The following MMS22L variants were observed in gnomAD, a reference collection of about 807,000 sequenced individuals.
The protein encoded by MMS22L is protein MMS22-like.
MMS22L carries 74 observed loss-of-function variants against 159.1 expected under a neutral mutation model. The ratio of observed to expected loss-of-function variants is 0.47; its 90% confidence interval spans 0.39 to 0.56. MMS22L has a LOEUF of 0.56. MMS22L is among the 20% of genes least tolerant of loss of function. The pLI is 0.00. For missense variants in MMS22L, 1,351 were observed against 1,422.1 expected, an observed-to-expected ratio of 0.95 and a Z score of 0.80; for synonymous variants, 517 against 506.9, an observed-to-expected ratio of 1.02 and a Z score of -0.27.
At chr6:97,152,839 C>CT (rs869235389) in intron 22 of MMS22L, among the ~76,000 whole-genome samples, 285 of 121,482 alleles carry the variant, frequency 2.3e-3, no homozygotes, top group African/African-American at 4.0e-3. Context: ...TGAGTATTTT[C>CT]TTTTTTTTTT....
chr6:97,268,395 A>G lies in MMS22L; in HGVS notation c.698-393T>C, dbSNP rs375878414. 3.5e-4 allele frequency among the ~76,000 whole-genome samples: 53 copies of G among 152,112 alleles called. No individual in the cohort carries two copies. The East Asian group carries it at 5.2e-3, about 15-fold the overall frequency. ...AGTAGAGACGGGGTTTCACCGTGTT[A>G]GCCAGGATGGTCTCAATCTCCTGAC... On this transcript the variant is annotated intron_variant, in intron 7 of 24. Coordinates refer to ENST00000683635, the MANE Select transcript of MMS22L (RefSeq NM_001350599.2).
At chr6:97,191,480 C>T (rs1390893893) in intron 14 of MMS22L, among the ~76,000 whole-genome samples, 4 of 149,994 alleles carry the variant, frequency 2.7e-5, no homozygotes, top group Non-Finnish European at 5.9e-5. Context: ...TATTGATGGA[C>T]TTTTCATCAC....
intron 10 of MMS22L, 133 bp downstream of exon 10, chr6:97,254,424 A>G (rs1813560467): frequency 4.7e-6 from 3 of 639,964 alleles, no homozygotes; most frequent in Non-Finnish European, 7.6e-6. Flanking sequence ...TTACAGAAAC[A>G]TTATACATAA....
intron 18 of MMS22L, among the ~76,000 whole-genome samples, chr6:97,178,234 ATG>A (rs1804320912): frequency 1.3e-5 from 2 of 152,124 alleles, no homozygotes; most frequent in African/African-American, 4.8e-5. Flanking sequence ...TTCTTCATTA[ATG>A]TAATTTTTCT....
At chr6:97,189,307 C>T (rs1805601176) in intron 14 of MMS22L, among the ~76,000 whole-genome samples, 1 of 149,926 alleles carries the variant, frequency 6.7e-6, no homozygotes, top group Non-Finnish European at 1.5e-5. Context: ...TACCTCTAAT[C>T]CCAGCATTTT....
At chr6:97,183,110 A>G (rs1804887219) in intron 15 of MMS22L, among the ~76,000 whole-genome samples, 1 of 152,058 alleles carries the variant, frequency 6.6e-6, no homozygotes. Flanking sequence ...CAGTAATTTC[A>G]ATTGTAAAGT....
chr6:97,199,620 T>C (rs753651972), intron 14 of MMS22L, among the ~76,000 whole-genome samples: 16 of 152,036 alleles, frequency 1.1e-4, no homozygotes, highest in Middle Eastern at 3.2e-3. Flanking sequence ...TGCAGTAAAT[T>C]ATACAACCAG....
intron 7 of MMS22L, 26 bp downstream of exon 7, chr6:97,269,876 T>C (rs1432225882): frequency 1.3e-6 from 2 of 1,534,032 alleles, no homozygotes; most frequent in Non-Finnish European, 1.8e-6. Flanking sequence ...TTAAAAAGAA[T>C]ATAAATCATA....
chr6:97,213,133 A>G (rs1341818413), intron 14 of MMS22L, among the ~76,000 whole-genome samples: 1 of 152,112 alleles, frequency 6.6e-6, no homozygotes, highest in Non-Finnish European at 1.5e-5. Context: ...GCAGCCAGGC[A>G]TGGTGGCTCA....
At chr6:97,225,569 G>C (rs896650677) in intron 14 of MMS22L, among the ~76,000 whole-genome samples, 7 of 150,056 alleles carry the variant, frequency 4.7e-5, no homozygotes, top group Non-Finnish European at 8.9e-5. Context: ...GGCTGGTCTC[G>C]AAGTTTTTTT....
chr6:97,201,468 T>G (rs1425683366), intron 14 of MMS22L, among the ~76,000 whole-genome samples: 2 of 152,202 alleles, frequency 1.3e-5, no homozygotes, highest in East Asian at 3.8e-4. Flanking sequence ...TCATCATCTC[T>G]GAAACACAGT....
At chr6:97,275,103 A>C (rs559561795) in intron 4 of MMS22L, among the ~76,000 whole-genome samples, 1 of 152,378 alleles carries the variant, frequency 6.6e-6, no homozygotes, top group South Asian at 2.1e-4. Flanking sequence ...AAAATCCAGA[A>C]AGCAACAATG....
In MMS22L at chr6:97,146,118, C is replaced by CA. The variant is rs1562383743; in HGVS notation, c.*687dup. On this transcript the variant is annotated 3_prime_UTR_variant, in exon 25 of 25. Coordinates refer to ENST00000683635, the MANE Select transcript of MMS22L (RefSeq NM_001350599.2). ...ATGATTTTTTTTTTAATGACAACTCCAAAAGAAAGGATGAATAAAAAAAAA... is the reference window on the plus strand; with the variant it reads ...ATGATTTTTTTTTTAATGACAACTCCAAAAAGAAAGGATGAATAAAAAAAAA... 1 of 137,222 alleles carries CA rather than the reference C, an allele frequency of 7.3e-6. No individual in the cohort carries two copies. 8.5% of individuals were successfully genotyped at this position (137,222 alleles called of 1,614,324 possible).
chr6:97,197,848 T>C (rs752217985), intron 14 of MMS22L, among the ~76,000 whole-genome samples: 3 of 152,174 alleles, frequency 2.0e-5, no homozygotes, highest in Non-Finnish European at 4.4e-5. Context: ...CTGGAGCCAA[T>C]AATTACTATG....
chr6:97,206,771 A>G (rs185009496), intron 14 of MMS22L, among the ~76,000 whole-genome samples: 2 of 152,284 alleles, frequency 1.3e-5, no homozygotes, highest in East Asian at 1.9e-4. Context: ...AACGCCCATC[A>G]TAAGGACCAT....
At position 97,156,356 on chromosome 6, in the gene MMS22L, C is replaced by T. The variant is rs540761722; in HGVS notation, c.3386-4489G>A. 5.3e-5 allele frequency among the ~76,000 whole-genome samples: 8 copies of T among 152,176 alleles called. No homozygotes were observed. In the South Asian group the frequency reaches 8.3e-4, roughly 16 times the overall value. On this transcript the variant is annotated intron_variant, in intron 22 of 24. Transcript: ENST00000683635. ...CATTTATATATTTGGCTTTTGTTGC[C>T]GTTGCTTTTGGTGTTTTAGTCATGA...
chr6:97,190,303 T>C (rs1461632887), intron 14 of MMS22L, among the ~76,000 whole-genome samples: 1 of 152,164 alleles, frequency 6.6e-6, no homozygotes, highest in Non-Finnish European at 1.5e-5. Context: ...TGTAAGTAGA[T>C]TTTTTGCATA....
chr6:97,146,743 T>C lies in MMS22L; in HGVS notation c.*63A>G. ...TATACAATTAATTAAAAGTAGGAAT[T>C]AGAGTGGAACAATGTGGCTTTAGAT... On this transcript the variant is annotated 3_prime_UTR_variant, in exon 25 of 25. Coordinates refer to ENST00000683635, the MANE Select transcript of MMS22L (RefSeq NM_001350599.2). The C allele has an allele frequency of 1.9e-6, 2 of 1,055,340 alleles. No individual in the cohort carries two copies. Among genetic ancestry groups the C allele is most frequent in the Non-Finnish European group, 2.8e-6 (2 of 712,738 alleles). The allele number at this position is 1,055,340 out of a possible 1,614,324, so 65.4% of individuals were successfully genotyped here. A position where few individuals can be genotyped will look rare whatever the true frequency, so the allele number is the denominator to read the frequency against.
intron 22 of MMS22L, among the ~76,000 whole-genome samples, chr6:97,160,574 T>C (rs1209667186): frequency 6.6e-6 from 1 of 152,066 alleles, no homozygotes; most frequent in Non-Finnish European, 1.5e-5. Context: ...CTATAATGTA[T>C]CTGTTTGTGG....
Sources: gnomAD v4.1 joint callset for allele counts (sites outside exome capture counted in the v4.1 genomes callset) on GRCh38, gnomAD v4.1.1 for gene constraint, MANE v1.5 for transcripts, NCBI Gene and HGNC (gene_info 2026-07-23, HGNC 2026-07-21) for gene names.